Variants in PTPRA observed in about 807,000 individuals in gnomAD.
PTPRA encodes the protein protein tyrosine phosphatase receptor type A.
A neutral mutation model predicts 104.8 loss-of-function variants in PTPRA; 25 were observed. The ratio of observed to expected loss-of-function variants is 0.24; its 90% CI spans 0.17 to 0.33. The LOEUF (loss-of-function observed/expected upper bound fraction) is 0.33, where lower values mean the gene tolerates loss of function less well. PTPRA is among the 10% of genes least tolerant of loss of function. PTPRA has a pLI of 1.00. For missense variants in PTPRA, 765 were observed against 1,015.3 expected (o/e 0.75, Z 3.35); for synonymous variants, 323 against 368.9 (o/e 0.88, Z 1.43).
At chr20:2,980,468 C>T (rs925010533) in intron 6 of PTPRA, among the ~76,000 whole-genome samples, 1 of 151,854 alleles carries the variant, frequency 6.6e-6, no homozygotes, top group Non-Finnish European at 1.5e-5. Flanking sequence ...GTGTGAGGAT[C>T]GCTCGAACCA....
intron 2 of PTPRA, among the ~76,000 whole-genome samples, chr20:2,929,782 A>G (rs1427756649): frequency 6.6e-6 from 1 of 152,124 alleles, no homozygotes; most frequent in African/African-American, 2.4e-5. Flanking sequence ...CCATGTTTGC[A>G]CCACTGCACT....
At chr20:2,959,274 AT>A (rs938792690) in intron 3 of PTPRA, among the ~76,000 whole-genome samples, 1 of 152,192 alleles carries the variant, frequency 6.6e-6, no homozygotes, top group Non-Finnish European at 1.5e-5. Context: ...CTGGAAAGGA[AT>A]TTTTATTGTA....
At chr20:2,958,134 T>C (rs978264967) in intron 3 of PTPRA, among the ~76,000 whole-genome samples, 1 of 151,992 alleles carries the variant, frequency 6.6e-6, no homozygotes, top group Non-Finnish European at 1.5e-5. Context: ...GCAGAGATAT[T>C]GAAAAGAATT....
chr20:2,945,708 C>A lies in PTPRA; in HGVS notation c.-49-2274C>A, dbSNP rs137855825. ...CTTTATGAAGTCAAGGCAGGTGGAT[C>A]ACTTGAGGTCAGGAGTTTGAGGCCA... On this transcript the variant is annotated intron_variant, in intron 2 of 23. Coordinates refer to ENST00000399903, the MANE Select transcript of PTPRA (RefSeq NM_001385305.1). 8.0e-3 allele frequency among the ~76,000 whole-genome samples: 1,222 copies of A among 151,950 alleles called. 11 individuals are homozygous for A. The highest frequency in any genetic ancestry group is 0.028 in the South Asian group (135 of 4,816).
At chr20:2,867,549 GCTCTCCCT>G in the PTPRA span, among the ~76,000 whole-genome samples, 1 of 148,406 alleles carries the variant, frequency 6.7e-6, no homozygotes, top group African/African-American at 2.5e-5. Flanking sequence ...CACCCCCTCT[GCTCTCCCT>G]GTCTAGCCCT....
chr20:3,028,115 C>T (rs1304938594), intron 20 of PTPRA, among the ~76,000 whole-genome samples: 4 of 152,136 alleles, frequency 2.6e-5, no homozygotes, highest in Middle Eastern at 3.2e-3. Context: ...TATTCCCAGA[C>T]AGCTCACACC....
intron 12 of PTPRA, among the ~76,000 whole-genome samples, chr20:3,016,770 T>G (rs1048403373): frequency 5.3e-5 from 8 of 152,208 alleles, no homozygotes; most frequent in African/African-American, 1.9e-4. Flanking sequence ...ACTACAAGAT[T>G]TATAAAAACA....
the PTPRA span, chr20:2,865,617 C>T: frequency 2.3e-6 from 2 of 881,932 alleles, no homozygotes; most frequent in East Asian, 2.6e-5. This position sits in a 1 kb window ranked among gnomAD's most constrained non-coding sequence, Gnocchi z 5.2. Context: ...GCATAGTTAG[C>T]GAGTGCTTCC....
chr20:2,952,138 A>G (rs941730034), intron 3 of PTPRA, among the ~76,000 whole-genome samples: 1 of 151,664 alleles, frequency 6.6e-6, no homozygotes, highest in Non-Finnish European at 1.5e-5. Flanking sequence ...AAAAAAAAAA[A>G]CTGTCAAATG....
intron 1 of PTPRA, among the ~76,000 whole-genome samples, chr20:2,884,069 T>C (rs2090229608): frequency 6.6e-6 from 1 of 152,228 alleles, no homozygotes; most frequent in African/African-American, 2.4e-5. Context: ...CATGTATCAG[T>C]ACTTCATTCC....
chr20:2,948,757 C>T (rs1600156982), intron 3 of PTPRA, among the ~76,000 whole-genome samples: 1 of 151,884 alleles, frequency 6.6e-6, no homozygotes, highest in East Asian at 1.9e-4. Context: ...CAAGACCATC[C>T]TGGCTAACAC....
intron 2 of PTPRA, among the ~76,000 whole-genome samples, chr20:2,938,101 G>T (rs6084207): frequency 1.3e-5 from 2 of 151,998 alleles, no homozygotes; most frequent in Admixed American, 1.3e-4. Flanking sequence ...AGAGGATTTC[G>T]TGAGTCCAGG....
chr20:2,956,469 C>A (rs1212578726), intron 3 of PTPRA, among the ~76,000 whole-genome samples: 1 of 152,048 alleles, frequency 6.6e-6, no homozygotes, highest in Non-Finnish European at 1.5e-5. Context: ...TTGAAGCCCC[C>A]TGTGATGTCC....
intron 1 of PTPRA, among the ~76,000 whole-genome samples, chr20:2,876,974 A>C (rs1406039281): frequency 6.6e-6 from 1 of 152,198 alleles, no homozygotes; most frequent in Non-Finnish European, 1.5e-5. Context: ...GATAAAAGTA[A>C]CTTGTGCAGG....
intron 20 of PTPRA, among the ~76,000 whole-genome samples, chr20:3,033,637 C>A (rs1215875210): frequency 2.0e-5 from 3 of 152,166 alleles, no homozygotes; most frequent in Non-Finnish European, 4.4e-5. Context: ...TGCGGCAGCT[C>A]ACGCCTGTAA....
At chr20:2,924,178 G>A (rs1418481775) in intron 2 of PTPRA, among the ~76,000 whole-genome samples, 2 of 152,136 alleles carry the variant, frequency 1.3e-5, no homozygotes, top group South Asian at 4.1e-4. Flanking sequence ...AAGCACTTGG[G>A]AGGCTAAGGC....
intron 6 of PTPRA, among the ~76,000 whole-genome samples, chr20:2,979,035 A>G (rs1012272230): frequency 2.0e-5 from 3 of 152,130 alleles, no homozygotes; most frequent in African/African-American, 7.2e-5. Context: ...TAACTCTAAA[A>G]GGTGGAGGGT....
chr20:2,908,069 T>G lies in PTPRA; in HGVS notation c.-128-15138T>G, dbSNP rs189791728. Among the ~76,000 whole-genome samples the G allele has an allele frequency of 3.9e-5, 6 of 152,316 alleles. No homozygotes were observed. The East Asian group carries it at 1.2e-3, about 29-fold the overall frequency. Reference sequence around the variant, plus strand: ...TCACTTATCACTAGAATATTACTTTTCTTGCTTTGCTAACAAATGAGCTAC... The same window carrying G: ...TCACTTATCACTAGAATATTACTTTGCTTGCTTTGCTAACAAATGAGCTAC... On this transcript the variant is annotated intron_variant, in intron 1 of 23. Coordinates refer to ENST00000399903, the MANE Select transcript of PTPRA (RefSeq NM_001385305.1).
At chr20:2,945,651 G>A (rs893217083) in intron 2 of PTPRA, among the ~76,000 whole-genome samples, 19 of 151,370 alleles carry the variant, frequency 1.3e-4, no homozygotes, top group Non-Finnish European at 2.1e-4. Flanking sequence ...ATTATAGGCC[G>A]GGTACAGTGG....
Sources: allele counts gnomAD v4.1 joint callset (sites outside exome capture counted in the v4.1 genomes callset), GRCh38; gene constraint gnomAD v4.1.1; non-coding constraint Gnocchi (gnomAD v3.1); transcripts MANE v1.5; gene names NCBI Gene and HGNC (gene_info 2026-07-23, HGNC 2026-07-21).